Variants in PYGM observed in about 807,000 individuals in gnomAD.
PYGM encodes the protein glycogen phosphorylase, muscle associated.
PYGM carries 81 observed loss-of-function variants against 99.3 expected under a neutral mutation model. The observed-to-expected ratio is 0.82, with a 90% CI of 0.68 to 0.98. The LOEUF (loss-of-function observed/expected upper bound fraction) is 0.98. Among genes scored for constraint, PYGM ranks in the 50% least tolerant of loss-of-function variants. The pLI is 0.00. For missense variants in PYGM, 1,030 were observed against 1,158.1 expected, an observed-to-expected ratio of 0.89 and a Z score of 1.61; for synonymous variants, 436 against 451.5, an observed-to-expected ratio of 0.97 and a Z score of 0.44.
Position 64,753,169 on chromosome 11 carries a change from C to G in PYGM, c.1422G>C (p.Glu474Asp). ...TATTCTGGAACTTATGAGGCTCCAG[C>G]TCATAGAAGTCTTTGAAGCTGCAGG... is the stretch of plus-strand genomic sequence containing the variant. ...LKKTIFKDFY[E>D]LEPHKFQNKT... Residue 474 changes from glutamate to aspartate, a missense_variant, in exon 12 of 20, where the codon GAG (glutamate) becomes GAC (aspartate). By Grantham distance (45) the Glu-to-Asp change is conservative (BLOSUM62 2). Coordinates refer to ENST00000164139, the MANE Select transcript of PYGM (RefSeq NM_005609.4). The G allele has an allele frequency of 6.2e-7, 1 of 1,612,614 alleles. No individual in the cohort carries two copies. Among genetic ancestry groups the G allele is most frequent in the South Asian group, 1.1e-5 (1 of 91,044 alleles).
intron 2 of PYGM, 36 bp downstream of exon 2, chr11:64,758,567 C>T (rs1486461691): frequency 1.2e-6 from 2 of 1,613,116 alleles, no homozygotes; most frequent in African/African-American, 1.3e-5. Context: ...CAGTGGAATC[C>T]CCCAGTCCCC....
At position 64,759,928 on chromosome 11, in the gene PYGM, G is replaced by A; in HGVS notation, c.-30C>T. ...GCAGGAGGGCGGGCCGGACTGGACT[G>A]ATGGTAGAGGGGACGGCGGCCTCAG... On this transcript the variant is annotated 5_prime_UTR_variant, in exon 1 of 20. Coordinates refer to ENST00000164139, the MANE Select transcript of PYGM (RefSeq NM_005609.4). 1 of 1,611,686 alleles carries A rather than the reference G, an allele frequency of 6.2e-7. No individual in the cohort carries two copies. Among genetic ancestry groups the A allele is most frequent in the Non-Finnish European group, 8.5e-7 (1 of 1,178,532 alleles).
chr11:64,752,331 C>A, intron 13 of PYGM, 72 bp downstream of exon 13: 5 of 1,552,688 alleles, frequency 3.2e-6, no homozygotes, highest in Admixed American at 3.4e-5. Flanking sequence ...ATTTGCCACG[C>A]CTGACCCAGA....
In PYGM at chr11:64,755,285, G is replaced by A. The variant is rs2058386560; in HGVS notation, c.843C>T (p.Tyr281=). 1 of 1,613,990 alleles carries A rather than the reference G, an allele frequency of 6.2e-7. No homozygotes were observed. The highest frequency in any genetic ancestry group is 1.1e-5 in the South Asian group (1 of 91,072). ...NLAENISRVL[Y]PNDNFFEGKE... is the part of the protein sequence containing the mutation. ...GGGGGTGACGCACATTATCATTGGG[G>A]TACAGGACACGAGAGATGTTCTCCG... is the stretch of plus-strand genomic sequence containing the variant. Residue 281 remains tyrosine, a synonymous_variant, in exon 7 of 20, where the codon TAC becomes TAT. Transcript: ENST00000164139. This position sits in a 1 kb window ranked among gnomAD's most constrained non-coding sequence, Gnocchi z 4.1.
chr11:64,754,187 C>G lies in PYGM; in HGVS notation c.1092+66G>C. 1 of 1,585,148 alleles carries G rather than the reference C, an allele frequency of 6.3e-7. No homozygotes were observed. The highest frequency in any genetic ancestry group is 1.1e-5 in the South Asian group (1 of 90,484). On this transcript the variant is annotated intron_variant, in intron 9 of 19. Coordinates refer to ENST00000164139, the MANE Select transcript of PYGM (RefSeq NM_005609.4). The surrounding 1 kb of genome is among the most constrained non-coding windows in gnomAD (Gnocchi z 5.5). ...CACTCCATTCATATCCTCCCACGCT[C>G]CCAAACTGGGAAGGGAACCCCGAGG...
intron 4 of PYGM, 151 bp from the exon 5 acceptor site, chr11:64,758,061 A>G (rs1783953833): frequency 1.4e-6 from 2 of 1,380,490 alleles, no homozygotes. Context: ...CTGCTGGGCT[A>G]TCGAGTGGGA....
chr11:64,752,571 C>T lies in PYGM; in HGVS notation c.1519-67G>A. On this transcript the variant is annotated intron_variant, in intron 12 of 19. Coordinates refer to ENST00000164139, the MANE Select transcript of PYGM (RefSeq NM_005609.4). ...TCCCTCCTCCCAACACAGAAGGGGC[C>T]ATTTCCAGGTCAGCCAAGCCCCCTT... 2.0e-6 allele frequency: 3 copies of T among 1,469,992 alleles called. No homozygotes were observed. In the Admixed American group the frequency reaches 5.5e-5, roughly 27 times the overall value. The allele number at this position is 1,469,992 out of a possible 1,614,324, so 91.1% of individuals were successfully genotyped here. A position where few individuals can be genotyped will look rare whatever the true frequency, so the allele number is the denominator to read the frequency against.
chr11:64,752,168 G>C, intron 13 of PYGM, 97 bp from the exon 14 acceptor site: 1 of 1,545,708 alleles, frequency 6.5e-7, no homozygotes, highest in Admixed American at 1.7e-5. Context: ...TGGCTACCAG[G>C]AGGCTCACTG....
intron 5 of PYGM, among the ~76,000 whole-genome samples, chr11:64,757,254 C>T (rs1345417931): frequency 1.3e-5 from 2 of 152,062 alleles, no homozygotes; most frequent in African/African-American, 4.8e-5. Flanking sequence ...GACAGGGTCT[C>T]TCTATGTTGC....
chr11:64,746,693 C>T lies in PYGM; in HGVS notation c.2495G>A (p.Arg832His), dbSNP rs752034635. The T allele has an allele frequency of 6.8e-6, 11 of 1,614,074 alleles. No homozygotes were observed. In the South Asian group the frequency reaches 7.7e-5, roughly 11 times the overall value. The change falls in exon 20 of 20, where the codon CGC becomes CAC. Residue 832 changes from arginine (R) to histidine (H), a missense_variant. Arg to His is a conservative substitution (Grantham distance 29). Transcript: ENST00000164139. ...AREIWGVEPS[R>H]QRLPAPDEAI ...CTCATCCGGGGCTGGCAGGCGCTGG[C>T]GGGAAGGCTCCACACCCCAGATCTC...
intron 5 of PYGM, among the ~76,000 whole-genome samples, chr11:64,756,140 C>T (rs1169319455): frequency 6.6e-6 from 1 of 152,228 alleles, no homozygotes; most frequent in Non-Finnish European, 1.5e-5. Context: ...ATCGCCCTCC[C>T]TCCCCACATT....
chr11:64,753,769 T>G, intron 10 of PYGM, 87 bp from the exon 11 acceptor site: 2 of 1,513,638 alleles, frequency 1.3e-6, no homozygotes, highest in African/African-American at 1.4e-5. Flanking sequence ...CTCTGCCCAG[T>G]GCCCCCACTG....
At chr11:64,752,634 C>T (rs1023607083) in intron 12 of PYGM, 130 bp from the exon 13 acceptor site, 5 of 924,518 alleles carry the variant, frequency 5.4e-6, no homozygotes, top group Admixed American at 4.0e-5. Context: ...CCCAGCCCCT[C>T]CTCCTCCAGC....
Position 64,755,562 on chromosome 11 carries a change from C to A in PYGM, c.661-4G>T. ...CGTAGGGCATGGCCAGTACCACCTG[C>A]GGGGGGCAATCCTGTCAGGAGCTGG... On this transcript the variant is annotated splice_region_variant and splice_polypyrimidine_tract_variant and intron_variant, in intron 5 of 19. Coordinates refer to ENST00000164139, the MANE Select transcript of PYGM (RefSeq NM_005609.4). This position sits in a 1 kb window ranked among gnomAD's most constrained non-coding sequence, Gnocchi z 4.1. The A allele has an allele frequency of 6.2e-7, 1 of 1,612,474 alleles. No individual in the cohort carries two copies. The highest frequency in any genetic ancestry group is 8.5e-7 in the Non-Finnish European group (1 of 1,178,704).
At chr11:64,753,015 C>G (rs2058366997) in intron 12 of PYGM, 58 bp downstream of exon 12, 1 of 1,456,104 alleles carries the variant, frequency 6.9e-7, no homozygotes, top group Admixed American at 1.7e-5. Flanking sequence ...ACGACCATAC[C>G]CAGCTGATCC....
At position 64,753,135 on chromosome 11, in the gene PYGM, C is replaced by T. The variant is rs926661627; in HGVS notation, c.1456G>A (p.Gly486Ser). The change falls in exon 12 of 20, where the codon GGC becomes AGC. Residue 486 changes from glycine (G) to serine (S), a missense_variant. Gly to Ser is a moderately conservative substitution (Grantham distance 56). Transcript: ENST00000164139. ...EPHKFQNKTN[G>S]ITPRRWLVLC... is the part of the protein sequence containing the mutation. Reference sequence around the variant, plus strand: ...ACCAGCCAGCGCCGAGGGGTGATGCCGTTGGTCTTATTCTGGAACTTATGA... The same window carrying T: ...ACCAGCCAGCGCCGAGGGGTGATGCTGTTGGTCTTATTCTGGAACTTATGA... 5.0e-6 allele frequency: 8 copies of T among 1,614,006 alleles called. No homozygotes were observed. The highest frequency in any genetic ancestry group is 2.2e-5 in the East Asian group (1 of 44,886).
intron 11 of PYGM, 31 bp from the exon 12 acceptor site, chr11:64,753,218 C>T (rs776671009): frequency 3.2e-6 from 5 of 1,558,120 alleles, no homozygotes; most frequent in Non-Finnish European, 4.4e-6. Context: ...AGGGTCACCA[C>T]TCACCCCTGT....
In PYGM at chr11:64,751,416, G is replaced by A. The variant is rs754509869; in HGVS notation, c.1878C>T (p.Ala626=). ...MAKMIIRLVT[A]IGDVVNHDPA... ...GGTCATGGTTGACCACATCCCCGAT[G>A]GCTGTGACGAGTCTGATGATCATCT... The change falls in exon 16 of 20, where the codon GCC becomes GCT. Residue 626 remains alanine, a synonymous_variant. Coordinates refer to ENST00000164139, the MANE Select transcript of PYGM (RefSeq NM_005609.4). The A allele has an allele frequency of 3.7e-6, 6 of 1,614,166 alleles. No individual in the cohort carries two copies. In the South Asian group the frequency reaches 5.5e-5, roughly 15 times the overall value.
At chr11:64,759,615 G>A (rs1230176724) in intron 1 of PYGM, 41 bp downstream of exon 1, 19 of 1,609,370 alleles carry the variant, frequency 1.2e-5, no homozygotes, top group South Asian at 2.2e-5. Flanking sequence ...CCCTGGCAGC[G>A]CCTTCAGCCC....
Sources: allele counts gnomAD v4.1 joint callset (sites outside exome capture counted in the v4.1 genomes callset), GRCh38; gene constraint gnomAD v4.1.1; non-coding constraint Gnocchi (gnomAD v3.1); transcripts MANE v1.5; gene names NCBI Gene and HGNC (gene_info 2026-07-23, HGNC 2026-07-21).